Variants in ADCK2 observed in about 807,000 individuals in gnomAD.
ADCK2 encodes the protein uncharacterized aarF domain-containing protein kinase 2.
In ADCK2, 37 loss-of-function variants were observed where a neutral mutation model predicts 52.3. The observed-to-expected ratio is 0.71, with a 90% CI of 0.54 to 0.93. The LOEUF (loss-of-function observed/expected upper bound fraction) is 0.93. Among genes scored for constraint, ADCK2 ranks in the 40% least tolerant of loss-of-function variants. ADCK2 has a pLI of 0.00. For missense variants in ADCK2, 695 were observed against 798.7 expected (o/e 0.87, Z 1.56); for synonymous variants, 321 against 349.2 (o/e 0.92, Z 0.90).
chr7:140,679,853 T>A (rs1045319594), intron 3 of ADCK2, among the ~76,000 whole-genome samples: 8 of 151,828 alleles, frequency 5.3e-5, no homozygotes, highest in African/African-American at 1.7e-4. Flanking sequence ...TTGTATTTTT[T>A]AGTAGAGATG....
At position 140,673,403 on chromosome 7, in the gene ADCK2, C is replaced by T; in HGVS notation, c.73C>T (p.Leu25Phe). The part of the protein sequence containing the change: ...HLRCFELRQG[L>F]SLLRPSECPR... Reference sequence around the variant, plus strand: ...GAGGTGCTTCGAGCTCAGACAGGGACTCAGCCTCCTGAGGCCCTCCGAGTG... The same window carrying T: ...GAGGTGCTTCGAGCTCAGACAGGGATTCAGCCTCCTGAGGCCCTCCGAGTG... The change falls in exon 1 of 8, where the codon CTC becomes TTC. Residue 25 changes from leucine (L) to phenylalanine (F), a missense_variant. Coordinates refer to ENST00000072869, the MANE Select transcript of ADCK2 (RefSeq NM_052853.4). This position sits in a 1 kb window ranked among gnomAD's most constrained non-coding sequence, Gnocchi z 6.4. The T allele has an allele frequency of 1.3e-6, 2 of 1,584,298 alleles. No individual in the cohort carries two copies. The highest frequency in any genetic ancestry group is 1.7e-6 in the Non-Finnish European group (2 of 1,165,828).
chr7:140,673,559 G>A lies in ADCK2; in HGVS notation c.229G>A (p.Gly77Ser). ...RRRVRCSGAAGAGPAESLPRA... is the reference protein window; with the variant it reads ...RRRVRCSGAASAGPAESLPRA... ...AAGGGTCCGCTGCAGCGGGGCGGCTGGCGCGGGGCCCGCGGAGAGCCTCCC... is the reference window on the plus strand; with the variant it reads ...AAGGGTCCGCTGCAGCGGGGCGGCTAGCGCGGGGCCCGCGGAGAGCCTCCC... The change falls in exon 1 of 8, where the codon GGC (glycine) becomes AGC (serine). Residue 77 changes from glycine to serine, a missense_variant. Coordinates refer to ENST00000072869, the MANE Select transcript of ADCK2 (RefSeq NM_052853.4). This position sits in a 1 kb window ranked among gnomAD's most constrained non-coding sequence, Gnocchi z 6.4. 6.2e-7 allele frequency: 1 copy of A among 1,601,090 alleles called. No individual in the cohort carries two copies. The highest frequency in any genetic ancestry group is 8.5e-7 in the Non-Finnish European group (1 of 1,177,398).
chr7:140,681,156 CG>C lies in ADCK2; in HGVS notation c.1305+22del. 1 of 1,611,830 alleles carries C rather than the reference CG, an allele frequency of 6.2e-7. No homozygotes were observed. Among genetic ancestry groups the C allele is most frequent in the Non-Finnish European group, 8.5e-7 (1 of 1,178,172 alleles). ...GAAGATGGTGAGCTCATGGCTGGAG[CG>C]GGCTCAGGCCCAGCATGTGGTCAGC... On this transcript the variant is annotated intron_variant, in intron 4 of 7. Transcript: ENST00000072869.
chr7:140,679,165 G>T lies in ADCK2; in HGVS notation c.1091G>T (p.Arg364Leu). The change falls in exon 3 of 8, where the codon CGT becomes CTT. Residue 364 changes from arginine to leucine, a missense_variant. Coordinates refer to ENST00000072869, the MANE Select transcript of ADCK2 (RefSeq NM_052853.4). Reference protein sequence around the residue: ...EKLMVQQIDLRYEAQNLEHFQ... With the variant: ...EKLMVQQIDLLYEAQNLEHFQ... ...TCCATTTCTCTGTAGATTGACCTGC[G>T]TTACGAAGCTCAGAATCTAGAACAC... is the stretch of plus-strand genomic sequence containing the variant. 1 of 1,614,022 alleles carries T rather than the reference G, an allele frequency of 6.2e-7. No homozygotes were observed. The highest frequency in any genetic ancestry group is 8.5e-7 in the Non-Finnish European group (1 of 1,179,970).
intron 7 of ADCK2, among the ~76,000 whole-genome samples, chr7:140,691,298 G>T (rs978066572): frequency 6.6e-6 from 1 of 152,250 alleles, no homozygotes; most frequent in South Asian, 2.1e-4. Flanking sequence ...TAGTCTATCT[G>T]TCAAGTCAGT....
chr7:140,692,540 T>G (rs1794726829), intron 7 of ADCK2, among the ~76,000 whole-genome samples: 1 of 152,148 alleles, frequency 6.6e-6, no homozygotes, highest in Admixed American at 6.5e-5. Flanking sequence ...GTATTTTTAG[T>G]AAGAGATAGG....
Position 140,679,233 on chromosome 7 carries a change from A to C in ADCK2, c.1159A>C (p.Thr387Pro). The C allele has an allele frequency of 6.2e-7, 1 of 1,612,366 alleles. No homozygotes were observed. The highest frequency in any genetic ancestry group is 2.2e-5 in the East Asian group (1 of 44,832). Reference sequence around the variant, plus strand: ...GAATGTGAAAGCCGTCAAGTTCCCCACCCCTCTGCGCCCCTTTGTCACCAG... The same window carrying C: ...GAATGTGAAAGCCGTCAAGTTCCCCCCCCCTCTGCGCCCCTTTGTCACCAG... ...FRNVKAVKFP[T>P]PLRPFVTREV... Residue 387 changes from threonine to proline, a missense_variant, in exon 3 of 8, where the codon ACC becomes CCC. Thr to Pro is a conservative substitution (Grantham distance 38, BLOSUM62 -1). Transcript: ENST00000072869.
rs761648468 is a variant in ADCK2, at chr7:140,681,042, G to A, written c.1210G>A (p.Glu404Lys). 1 of 1,614,162 alleles carries A rather than the reference G, an allele frequency of 6.2e-7. No individual in the cohort carries two copies. Among genetic ancestry groups the A allele is most frequent in the East Asian group, 2.2e-5 (1 of 44,880 alleles). Residue 404 changes from glutamate to lysine, a missense_variant and splice_region_variant, in exon 4 of 8, where the codon GAG (glutamate) becomes AAG (lysine). Coordinates refer to ENST00000072869, the MANE Select transcript of ADCK2 (RefSeq NM_052853.4). ...TREVLVETYE[E>K]SVPVSSYQQA... ...TGTTCTCTCCCTGGTCTTTCTGAAG[G>A]AGAGTGTGCCTGTGTCCAGTTACCA...
chr7:140,673,674 TC>T lies in ADCK2; in HGVS notation c.346del (p.Leu116SerfsTer20), dbSNP rs1199480882. On this transcript the variant is annotated frameshift_variant, in exon 1 of 8. Coordinates refer to ENST00000072869, the MANE Select transcript of ADCK2 (RefSeq NM_052853.4). LOFTEE classifies it high-confidence loss of function. The surrounding 1 kb of genome is among the most constrained non-coding windows in gnomAD (Gnocchi z 6.4). ...ALLVKFFPLL[L>X]LYPLTYLAPS... ...TTGGTGAAATTCTTCCCCCTCCTAC[TC>T]CTCTACCCCCTCACCTACCTGGCTC... 6.2e-7 allele frequency: 1 copy of T among 1,611,024 alleles called. No individual in the cohort carries two copies. Among genetic ancestry groups the T allele is most frequent in the East Asian group, 2.2e-5 (1 of 44,780 alleles).
At chr7:140,687,853 G>A (rs1022707496) in intron 5 of ADCK2, among the ~76,000 whole-genome samples, 1 of 151,784 alleles carries the variant, frequency 6.6e-6, no homozygotes, top group East Asian at 1.9e-4. Flanking sequence ...ACTGCAGCCT[G>A]GGTGACAGAG....
At chr7:140,681,828 C>T (rs1255828970) in intron 4 of ADCK2, among the ~76,000 whole-genome samples, 1 of 151,830 alleles carries the variant, frequency 6.6e-6, no homozygotes, top group East Asian at 1.9e-4. Context: ...ACTATGTTGT[C>T]CAGGGCAGTC....
chr7:140,692,693 G>A (rs1794729200), intron 7 of ADCK2, among the ~76,000 whole-genome samples: 1 of 152,206 alleles, frequency 6.6e-6, no homozygotes, highest in Admixed American at 6.5e-5. Context: ...GTTCACGTGG[G>A]TTGCTTCCAC....
At chr7:140,683,510 G>A (rs1794552889) in intron 4 of ADCK2, among the ~76,000 whole-genome samples, 1 of 152,114 alleles carries the variant, frequency 6.6e-6, no homozygotes. Flanking sequence ...CTTTTCCTCT[G>A]AGACCCGGGT....
At position 140,674,751 on chromosome 7, in the gene ADCK2, C is replaced by T; in HGVS notation, c.1074C>T (p.Val358=). ...TGGAGGAATTTGAGAAGCTGATGGT[C>T]CAACAGGTGAGTTCTCCTCCCCTCA... ...EIVEEFEKLM[V]QQIDLRYEAQ... Residue 358 remains valine (V), a synonymous_variant, in exon 2 of 8, where the codon GTC becomes GTT. Transcript: ENST00000072869. The surrounding 1 kb of genome is among the most constrained non-coding windows in gnomAD (Gnocchi z 4.6). 7.4e-6 allele frequency: 12 copies of T among 1,613,836 alleles called. No homozygotes were observed. The highest frequency in any genetic ancestry group is 1.3e-5 in the African/African-American group (1 of 75,032).
Position 140,693,389 on chromosome 7 carries a change from C to G in ADCK2, c.1741-1274C>G, listed in dbSNP as rs1479779688. On this transcript the variant is annotated intron_variant, in intron 7 of 7. Coordinates refer to ENST00000072869, the MANE Select transcript of ADCK2 (RefSeq NM_052853.4). The surrounding 1 kb of genome is among the most constrained non-coding windows in gnomAD (Gnocchi z 4.0). The stretch of plus-strand genomic sequence containing the variant: ...CCACCTGACCCCGACAACCTTCCAG[C>G]CCTTAACGGAGACAAATACTCTTTA... Among the ~76,000 whole-genome samples, 1 of 152,206 alleles carries G rather than the reference C, an allele frequency of 6.6e-6. No homozygotes were observed. Among genetic ancestry groups the G allele is most frequent in the Non-Finnish European group, 1.5e-5 (1 of 68,042 alleles).
At chr7:140,677,429 A>T (rs1794439188) in intron 2 of ADCK2, among the ~76,000 whole-genome samples, 1 of 151,846 alleles carries the variant, frequency 6.6e-6, no homozygotes, top group Non-Finnish European at 1.5e-5. Context: ...AAAGAAAGAC[A>T]GTCAGCCCTC....
intron 2 of ADCK2, 89 bp from the exon 3 acceptor site, chr7:140,679,066 T>A: frequency 6.6e-7 from 1 of 1,505,652 alleles, no homozygotes; most frequent in Non-Finnish European, 9.1e-7. Flanking sequence ...GTGGGGTGGA[T>A]CTCATGACTT....
rs755837940 is a variant in ADCK2 at position 140,673,567 on chromosome 7, G to A, written c.237G>A (p.Gly79=). 1.6e-5 allele frequency: 25 copies of A among 1,601,464 alleles called. No homozygotes were observed. Among genetic ancestry groups the A allele is most frequent in the East Asian group, 4.5e-5 (2 of 44,764 alleles). ...RVRCSGAAGA[G]PAESLPRAGP... ...GCTGCAGCGGGGCGGCTGGCGCGGGGCCCGCGGAGAGCCTCCCCCGAGCGG... is the reference window on the plus strand; with the variant it reads ...GCTGCAGCGGGGCGGCTGGCGCGGGACCCGCGGAGAGCCTCCCCCGAGCGG... Residue 79 remains glycine, a synonymous_variant, in exon 1 of 8, where the codon GGG becomes GGA. Transcript: ENST00000072869. The surrounding 1 kb of genome is among the most constrained non-coding windows in gnomAD (Gnocchi z 6.4).
rs199796975 is a variant in ADCK2 at position 140,674,111 on chromosome 7, C to A, written c.781C>A (p.Arg261=). 8 of 1,613,984 alleles carry A rather than the reference C, an allele frequency of 5.0e-6. No individual in the cohort carries two copies. The highest frequency in any genetic ancestry group is 1.1e-5 in the South Asian group (1 of 91,086). ...GCTCTTTGGATACCTTGGAAATGGC[C>A]GGAAACCTCCAGAAAATCTCGCAGA... ...RELFGYLGNG[R]KPPENLADQS... The change falls in exon 1 of 8, where the codon CGG becomes AGG. Residue 261 remains arginine (R), a synonymous_variant. Transcript: ENST00000072869. This position sits in a 1 kb window ranked among gnomAD's most constrained non-coding sequence, Gnocchi z 4.6.
Sources: gnomAD v4.1 joint callset for allele counts (sites outside exome capture counted in the v4.1 genomes callset) on GRCh38, gnomAD v4.1.1 for gene constraint, Gnocchi (gnomAD v3.1) non-coding constraint, MANE v1.5 for transcripts, NCBI Gene and HGNC (gene_info 2026-07-23, HGNC 2026-07-21) for gene names.